PTPRG: variants seen among roughly 807,000 people sequenced by gnomAD.
The protein encoded by PTPRG is receptor-type tyrosine-protein phosphatase gamma.
A neutral mutation model predicts 165.3 loss-of-function variants in PTPRG; 102 were observed. That is an observed-to-expected ratio of 0.62 (90% CI 0.53 to 0.73). The LOEUF (loss-of-function observed/expected upper bound fraction) is 0.73, where lower values mean the gene tolerates loss of function less well. Ranked by LOEUF, PTPRG falls within the 30% of genes least tolerant of loss-of-function variation. The pLI is 0.00. For missense variants in PTPRG, 1,866 were observed against 1,861.4 expected (o/e 1.00, Z -0.05); for synonymous variants, 675 against 669.5 (o/e 1.01, Z -0.13).
intron 9 of PTPRG, among the ~76,000 whole-genome samples, chr3:62,193,732 C>G (rs1245895094): frequency 2.0e-5 from 3 of 152,216 alleles, no homozygotes; most frequent in Admixed American, 6.5e-5. Flanking sequence ...AAGGCAACAG[C>G]AGCAGGTGTG....
chr3:61,767,239 T>TGGAAAAAAAAAA lies in PTPRG; in HGVS notation c.190+18257_190+18258insGGAAAAAAAAAA, dbSNP rs1371380259. 1.8e-4 allele frequency among the ~76,000 whole-genome samples: 13 copies of TGGAAAAAAAAAA among 73,080 alleles called. 1 individual carries two copies. Among genetic ancestry groups the TGGAAAAAAAAAA allele is most frequent in the African/African-American group, 5.3e-4 (11 of 20,562 alleles). The allele number at this position is 73,080 out of a possible 152,430, so 47.9% of individuals were successfully genotyped here. On this transcript the variant is annotated intron_variant, in intron 2 of 29. Transcript: ENST00000474889. ...AGCCTTGTGACAGCAAGATTCCATC[T>TGGAAAAAAAAAA]CAAAAAAAAAAAAAAAAAGAAAGTA... is the stretch of plus-strand genomic sequence containing the variant.
At chr3:62,035,730 G>A (rs1559759252) in intron 4 of PTPRG, among the ~76,000 whole-genome samples, 1 of 152,178 alleles carries the variant, frequency 6.6e-6, no homozygotes, top group Non-Finnish European at 1.5e-5. Context: ...TTATGACAGT[G>A]ACATTTATCA....
At position 62,195,432 on chromosome 3, in the gene PTPRG, G is replaced by A. The variant is rs1010207915; in HGVS notation, c.1327+262G>A. Among the ~76,000 whole-genome samples, 3 of 152,084 alleles carry A rather than the reference G, an allele frequency of 2.0e-5. No homozygotes were observed. Among genetic ancestry groups the A allele is most frequent in the Non-Finnish European group, 4.4e-5 (3 of 68,018 alleles). ...TCCAACTGTGGGGAACCAAGTACTC[G>A]GGCCTTTTTCTCGGTCACTGTCCAG... On this transcript the variant is annotated intron_variant, in intron 10 of 29. Transcript: ENST00000474889. The surrounding 1 kb of genome is among the most constrained non-coding windows in gnomAD (Gnocchi z 4.4).
At chr3:62,069,574 G>A (rs978709286) in intron 4 of PTPRG, among the ~76,000 whole-genome samples, 1 of 151,730 alleles carries the variant, frequency 6.6e-6, no homozygotes, top group South Asian at 2.1e-4. Context: ...GCTTAAAACC[G>A]GTAATGATTT....
At chr3:61,562,623 C>T (rs890012840) in intron 1 of PTPRG, among the ~76,000 whole-genome samples, 2 of 151,346 alleles carry the variant, frequency 1.3e-5, no homozygotes, top group Non-Finnish European at 3.0e-5. Flanking sequence ...GGGGTCTGCT[C>T]CCGCTCCCTT....
intron 5 of PTPRG, among the ~76,000 whole-genome samples, chr3:62,103,668 AG>A (rs1202863149): frequency 1.3e-5 from 2 of 152,224 alleles, no homozygotes; most frequent in African/African-American, 4.8e-5. Context: ...GAATAAAAGC[AG>A]CAAGCCCAGG....
intron 12 of PTPRG, among the ~76,000 whole-genome samples, chr3:62,204,835 T>C (rs767464540): frequency 2.0e-5 from 3 of 152,222 alleles, no homozygotes; most frequent in Non-Finnish European, 4.4e-5. Context: ...CTCTATCATA[T>C]GCTCAAATCT....
In PTPRG at chr3:62,297,061, GTTTC is replaced by G. The variant is rs1703085701; in HGVS notation, c.*3759_*3762del. The G allele has an allele frequency of 6.6e-6, 1 of 151,954 alleles. No homozygotes were observed. 9.4% of individuals were successfully genotyped at this position (151,954 alleles called of 1,614,324 possible). A position where few individuals can be genotyped will look rare whatever the true frequency, so the allele number is the denominator to read the frequency against. ...GAATTCTGGCTTCACATTGACTCATGTTTCTTTCACTCCATTTTGAAATAGCTAA... is the reference window on the plus strand; with the variant it reads ...GAATTCTGGCTTCACATTGACTCATGTTTCACTCCATTTTGAAATAGCTAA... On this transcript the variant is annotated 3_prime_UTR_variant, in exon 30 of 30. Coordinates refer to ENST00000474889, the MANE Select transcript of PTPRG (RefSeq NM_002841.4).
chr3:61,571,553 G>A (rs984921299), intron 1 of PTPRG, among the ~76,000 whole-genome samples: 4 of 152,188 alleles, frequency 2.6e-5, no homozygotes, highest in African/African-American at 9.7e-5. Flanking sequence ...TTACGTTGAA[G>A]AGATGACCTT....
intron 2 of PTPRG, among the ~76,000 whole-genome samples, chr3:61,883,587 A>G (rs927052300): frequency 2.0e-5 from 3 of 152,240 alleles, no homozygotes; most frequent in Admixed American, 6.5e-5. Flanking sequence ...ACAAAAAAAT[A>G]GTGTCTGTGT....
intron 2 of PTPRG, among the ~76,000 whole-genome samples, chr3:61,778,229 G>C (rs2034441652): frequency 6.6e-6 from 1 of 152,156 alleles, no homozygotes. Flanking sequence ...TACTTTACAG[G>C]GTGGGAGCGG....
Position 62,210,732 on chromosome 3 carries a change from C to T in PTPRG, c.2155+6782C>T, listed in dbSNP as rs899533144. 6.6e-6 allele frequency among the ~76,000 whole-genome samples: 1 copy of T among 152,110 alleles called. No homozygotes were observed. Among genetic ancestry groups the T allele is most frequent in the East Asian group, 1.9e-4 (1 of 5,200 alleles). On this transcript the variant is annotated intron_variant, in intron 12 of 29. Coordinates refer to ENST00000474889, the MANE Select transcript of PTPRG (RefSeq NM_002841.4). The surrounding 1 kb of genome is among the most constrained non-coding windows in gnomAD (Gnocchi z 4.1). ...ATGAGAATGAAGACCTTTATGATGA[C>T]CCACTTCCACTTAATGAATAGTAAA... is the stretch of plus-strand genomic sequence containing the variant.
chr3:62,261,594 G>A (rs1413330184), intron 16 of PTPRG, among the ~76,000 whole-genome samples: 2 of 140,192 alleles, frequency 1.4e-5, no homozygotes, highest in Non-Finnish European at 3.1e-5. Context: ...TGCCTGTGGG[G>A]CTTTTTTTTT....
Position 62,195,672 on chromosome 3 carries a change from A to C in PTPRG, c.1327+502A>C, listed in dbSNP as rs1261870609. Among the ~76,000 whole-genome samples the C allele has an allele frequency of 2.0e-5, 3 of 152,202 alleles. No individual in the cohort carries two copies. On this transcript the variant is annotated intron_variant, in intron 10 of 29. Transcript: ENST00000474889. This position sits in a 1 kb window ranked among gnomAD's most constrained non-coding sequence, Gnocchi z 4.4. Reference sequence around the variant, plus strand: ...GATGGTCCTGATGACTTAGGGACTAATAGAAAGGTCCAGGGCCAGAACTAG... The same window carrying C: ...GATGGTCCTGATGACTTAGGGACTACTAGAAAGGTCCAGGGCCAGAACTAG...
At chr3:61,780,801 A>G (rs2034525306) in intron 2 of PTPRG, among the ~76,000 whole-genome samples, 1 of 152,228 alleles carries the variant, frequency 6.6e-6, no homozygotes, top group South Asian at 2.1e-4. Flanking sequence ...CACTCCTGCC[A>G]ATGAGCTTTA....
In PTPRG at chr3:61,822,991, TCTGA is replaced by T. The variant is rs2035999077; in HGVS notation, c.190+74013_190+74016del. On this transcript the variant is annotated intron_variant, in intron 2 of 29. Transcript: ENST00000474889. ...GAACAAGTGAGTGTTAATTCTCCAC[TCTGA>T]CTGGGGGCCAACATCCCTTTGATAC... 2.0e-5 allele frequency among the ~76,000 whole-genome samples: 3 copies of T among 152,334 alleles called. No individual in the cohort carries two copies. The South Asian group carries it at 6.2e-4, about 32-fold the overall frequency.
At chr3:61,820,950 T>A (rs1225374549) in intron 2 of PTPRG, among the ~76,000 whole-genome samples, 1 of 152,160 alleles carries the variant, frequency 6.6e-6, no homozygotes, top group Non-Finnish European at 1.5e-5. Flanking sequence ...TTTTTTTCAT[T>A]ACGCCAAGCA....
At chr3:61,644,244 A>G (rs553301670) in intron 1 of PTPRG, among the ~76,000 whole-genome samples, 44 of 152,296 alleles carry the variant, frequency 2.9e-4, no homozygotes, top group Middle Eastern at 3.4e-3. Flanking sequence ...TAGGTTTTGA[A>G]TATCATTTCT....
intron 5 of PTPRG, among the ~76,000 whole-genome samples, chr3:62,088,834 G>A (rs1273273515): frequency 6.6e-6 from 1 of 152,194 alleles, no homozygotes; most frequent in African/African-American, 2.4e-5. Context: ...TAGCATTATA[G>A]AAGGATTTTC....
Sources: gnomAD v4.1 joint callset for allele counts (sites outside exome capture counted in the v4.1 genomes callset) on GRCh38, gnomAD v4.1.1 for gene constraint, Gnocchi (gnomAD v3.1) non-coding constraint, MANE v1.5 for transcripts, NCBI Gene and HGNC (gene_info 2026-07-23, HGNC 2026-07-21) for gene names.